The following KCNA6 variants were observed in gnomAD, a reference collection of about 807,000 sequenced individuals.
The protein encoded by KCNA6 is human brain potassium channel-2.
In KCNA6, 17 loss-of-function variants were observed where a neutral mutation model predicts 29.5. The ratio of observed to expected loss-of-function variants is 0.58; its 90% CI spans 0.39 to 0.86. The LOEUF (loss-of-function observed/expected upper bound fraction) is 0.86. Among genes scored for constraint, KCNA6 ranks in the 40% least tolerant of loss-of-function variants. KCNA6 has a pLI of 0.00. For synonymous variants in KCNA6, 296 were observed against 304.7 expected, an observed-to-expected ratio of 0.97 and a Z score of 0.30; for missense variants, 450 against 703.4, an observed-to-expected ratio of 0.64 and a Z score of 4.07.
chr12:4,816,294 G>GTC (rs1466235108), downstream of KCNA6, among the ~76,000 whole-genome samples: 141 of 140,510 alleles, frequency 1.0e-3, no homozygotes, highest in Non-Finnish European at 1.9e-3. Flanking sequence ...GTGTGTGTGT[G>GTC]TGTCTGTGTG....
chr12:4,820,955 G>A, the KCNA6 span, among the ~76,000 whole-genome samples: 1 of 152,194 alleles, frequency 6.6e-6, no homozygotes, highest in Non-Finnish European at 1.5e-5. Context: ...TTGGAAATCA[G>A]GAAGTCAAGG....
At chr12:4,849,634 G>C in the KCNA6 span, among the ~76,000 whole-genome samples, 48 of 151,934 alleles carry the variant, frequency 3.2e-4, no homozygotes, top group Middle Eastern at 6.8e-3. Context: ...GCTGTCCTGA[G>C]CACCAGGCTT....
chr12:4,849,201 T>A, the KCNA6 span, among the ~76,000 whole-genome samples: 1 of 152,132 alleles, frequency 6.6e-6, no homozygotes, highest in Non-Finnish European at 1.5e-5. Context: ...GGTGGCGCCA[T>A]AGAGCAGTCC....
chr12:4,828,497 A>T, the KCNA6 span, among the ~76,000 whole-genome samples: 1 of 152,204 alleles, frequency 6.6e-6, no homozygotes, highest in Non-Finnish European at 1.5e-5. Flanking sequence ...ATACTCCTAA[A>T]AGAGTCAAGA....
At chr12:4,816,300 G>A (rs1000815598), downstream of KCNA6, among the ~76,000 whole-genome samples, 2 of 145,520 alleles carry the variant, frequency 1.4e-5, no homozygotes, top group Non-Finnish European at 3.0e-5. Context: ...GTGTGTGTCT[G>A]TGTGTGCTTC....
Position 4,809,999 on chromosome 12 carries a change from G to C in KCNA6, c.-43G>C, listed in dbSNP as rs749128542. 17 of 1,501,014 alleles carry C rather than the reference G, an allele frequency of 1.1e-5. No individual in the cohort carries two copies. In the South Asian group the frequency reaches 1.6e-4, roughly 14 times the overall value. The allele number at this position is 1,501,014 out of a possible 1,614,324, so 93.0% of individuals were successfully genotyped here. ...GGTGCCGCGCTCCAGAGATTGTGTC[G>C]TGGGCGCCGTCCTAGTGGCGGGGAG... On this transcript the variant is annotated 5_prime_UTR_variant, in exon 1 of 1. Coordinates refer to ENST00000280684, the Ensembl canonical transcript of KCNA6.
At chr12:4,833,441 C>T in the KCNA6 span, among the ~76,000 whole-genome samples, 372 of 152,152 alleles carry the variant, frequency 2.4e-3, 2 homozygotes, top group Middle Eastern at 0.014. Flanking sequence ...CCTCTTGAGA[C>T]GAGATTTGGA....
chr12:4,836,162 T>A, the KCNA6 span, among the ~76,000 whole-genome samples: 5 of 150,476 alleles, frequency 3.3e-5, no homozygotes, highest in Non-Finnish European at 7.4e-5. Context: ...GTTGGCCAGG[T>A]TGGTCTTGAA....
chr12:4,834,083 A>G, the KCNA6 span, among the ~76,000 whole-genome samples: 1 of 151,812 alleles, frequency 6.6e-6, no homozygotes, highest in East Asian at 1.9e-4. Flanking sequence ...CACACCCACC[A>G]TGTCTGGCTA....
downstream of KCNA6, among the ~76,000 whole-genome samples, chr12:4,816,012 C>T (rs149152477): frequency 3.9e-5 from 6 of 152,148 alleles, no homozygotes; most frequent in East Asian, 7.7e-4. Context: ...CTCTAAAAAT[C>T]GCACCCCAAA....
chr12:4,824,023 G>T, the KCNA6 span, among the ~76,000 whole-genome samples: 4 of 152,168 alleles, frequency 2.6e-5, no homozygotes, highest in Non-Finnish European at 4.4e-5. Flanking sequence ...TCCCAGTGCT[G>T]TTCCCCACTG....
chr12:4,811,178 C>T lies in KCNA6; in HGVS notation c.1137C>T (p.Leu379=), dbSNP rs544420310. The T allele has an allele frequency of 1.9e-6, 3 of 1,614,240 alleles. No individual in the cohort carries two copies. The highest frequency in any genetic ancestry group is 2.2e-5 in the East Asian group (1 of 44,884). ...CCTCCATGAGGGAGCTGGGGCTGCT[C>T]ATCTTCTTCCTCTTCATCGGGGTCA... Residue 379 remains leucine, a synonymous_variant, in exon 1 of 1, where the codon CTC becomes CTT. Coordinates refer to ENST00000280684, the Ensembl canonical transcript of KCNA6. The surrounding 1 kb of genome is among the most constrained non-coding windows in gnomAD (Gnocchi z 7.1).
exon 1 of KCNA6, chr12:4,812,952 T>C: frequency 6.0e-6 from 1 of 167,264 alleles, no homozygotes; most frequent in Non-Finnish European, 1.5e-5. Context: ...ACCACTGCCA[T>C]CTATCCACCT....
the KCNA6 span, among the ~76,000 whole-genome samples, chr12:4,834,975 C>A: frequency 2.6e-5 from 4 of 152,066 alleles, no homozygotes; most frequent in Non-Finnish European, 5.9e-5. Context: ...TGAGGACTGA[C>A]CTAAGGCACA....
chr12:4,823,888 C>T, the KCNA6 span, among the ~76,000 whole-genome samples: 1 of 152,210 alleles, frequency 6.6e-6, no homozygotes, highest in Non-Finnish European at 1.5e-5. Flanking sequence ...CACTGCCTTT[C>T]CCACACCTGT....
the KCNA6 span, among the ~76,000 whole-genome samples, chr12:4,834,338 T>C: frequency 6.6e-6 from 1 of 152,130 alleles, no homozygotes; most frequent in Non-Finnish European, 1.5e-5. Flanking sequence ...TGGGAACCGG[T>C]AGGGTGCAGA....
chr12:4,810,491 G>T lies in KCNA6; in HGVS notation c.450G>T (p.Pro150=), dbSNP rs150115044. The T allele has an allele frequency of 7.4e-6, 12 of 1,614,016 alleles. No homozygotes were observed. The African/African-American group carries it at 1.3e-4, about 18-fold the overall frequency. The stretch of plus-strand genomic sequence containing the variant: ...CCGAAGGTGGCGAGGACGAGAAGCC[G>T]CTGCCCTCCCAGCCCTTCCAGCGCC... The change falls in exon 1 of 1, where the codon CCG becomes CCT. Residue 150 remains proline (P), a synonymous_variant. Coordinates refer to ENST00000280684, the Ensembl canonical transcript of KCNA6. The surrounding 1 kb of genome is among the most constrained non-coding windows in gnomAD (Gnocchi z 7.5).
exon 1 of KCNA6, chr12:4,809,346 C>G (rs1002218508): frequency 6.6e-6 from 1 of 152,000 alleles, no homozygotes; most frequent in Non-Finnish European, 1.5e-5. Context: ...AGCGGAGAGC[C>G]GAGCCGCTGC....
the KCNA6 span, among the ~76,000 whole-genome samples, chr12:4,821,360 G>C: frequency 6.6e-6 from 1 of 152,126 alleles, no homozygotes; most frequent in Admixed American, 6.6e-5. Context: ...GAGAGCATAC[G>C]TGTGCACACG....
Sources: gnomAD v4.1 joint callset for allele counts (sites outside exome capture counted in the v4.1 genomes callset) on GRCh38, gnomAD v4.1.1 for gene constraint, Gnocchi (gnomAD v3.1) non-coding constraint, MANE v1.5 for transcripts, NCBI Gene and HGNC (gene_info 2026-07-23, HGNC 2026-07-21) for gene names.